Variants in ATRNL1 observed in about 807,000 individuals in gnomAD.
ATRNL1 encodes attractin like 1, also known as attractin-like protein 1.
ATRNL1 carries 95 observed loss-of-function variants against 182.7 expected under a neutral mutation model. That is an observed-to-expected ratio of 0.52 (90% CI 0.44 to 0.62). The LOEUF is 0.62. Among genes scored for constraint, ATRNL1 ranks in the 20% least tolerant of loss-of-function variants. The pLI is 0.00. For synonymous variants in ATRNL1, 576 were observed against 568.3 expected, an observed-to-expected ratio of 1.01 and a Z score of -0.19; for missense variants, 1,471 against 1,679.5, an observed-to-expected ratio of 0.88 and a Z score of 2.17.
At chr10:115,695,316 C>CTGGAATTCAATAATGTGAAAA (rs1946524179) in intron 26 of ATRNL1, among the ~76,000 whole-genome samples, 1 of 151,994 alleles carries the variant, frequency 6.6e-6, no homozygotes, top group Non-Finnish European at 1.5e-5. Flanking sequence ...TTAAACAACG[C>CTGGAATTCAATAATGTGAAAA]TGGAATTCAA....
intron 13 of ATRNL1, among the ~76,000 whole-genome samples, chr10:115,270,044 T>A (rs904429087): frequency 2.6e-5 from 4 of 151,768 alleles, no homozygotes; most frequent in Non-Finnish European, 4.4e-5. Flanking sequence ...TTAACATTAA[T>A]ATAACATGGT....
intron 13 of ATRNL1, among the ~76,000 whole-genome samples, chr10:115,280,089 T>C (rs1457939804): frequency 1.3e-5 from 2 of 152,226 alleles, no homozygotes; most frequent in Admixed American, 1.3e-4. Context: ...ACCTTTCTTT[T>C]GGTTATCCTA....
intron 26 of ATRNL1, among the ~76,000 whole-genome samples, chr10:115,554,312 C>T (rs1554996443): frequency 6.6e-6 from 1 of 151,508 alleles, no homozygotes; most frequent in African/African-American, 2.4e-5. Flanking sequence ...CTAGAAATTA[C>T]AGGTCTTCCG....
In ATRNL1 at chr10:115,627,165, C is replaced by G. The variant is rs566784689; in HGVS notation, c.3795+77629C>G. ...AACATTACAGCACCACAAAATAAAACCCTTTACCCACTAAGCAGTTGCTCC... is the reference window on the plus strand; with the variant it reads ...AACATTACAGCACCACAAAATAAAAGCCTTTACCCACTAAGCAGTTGCTCC... On this transcript the variant is annotated intron_variant, in intron 26 of 28. Coordinates refer to ENST00000355044, the MANE Select transcript of ATRNL1 (RefSeq NM_207303.4). Among the ~76,000 whole-genome samples, 2 of 152,188 alleles carry G rather than the reference C, an allele frequency of 1.3e-5. 1 individual carries two copies. The highest frequency in any genetic ancestry group is 4.2e-4 in the South Asian group (2 of 4,802).
chr10:115,944,306 G>A (rs1555124924), intron 28 of ATRNL1, among the ~76,000 whole-genome samples: 1 of 142,700 alleles, frequency 7.0e-6, no homozygotes, highest in South Asian at 2.3e-4. Flanking sequence ...AAAAAAAATA[G>A]TAACATTTAA....
At chr10:115,115,679 A>T (rs1353452282) in intron 1 of ATRNL1, among the ~76,000 whole-genome samples, 1 of 152,116 alleles carries the variant, frequency 6.6e-6, no homozygotes, top group African/African-American at 2.4e-5. Flanking sequence ...AGTGGATCTG[A>T]CTATTCCTTG....
rs532557025 is a variant in ATRNL1 at position 115,129,391 on chromosome 10, A to C, written c.685A>C (p.Ser229Arg). The change falls in exon 5 of 29, where the codon AGT (serine) becomes CGT (arginine). Residue 229 changes from serine to arginine, a missense_variant. Transcript: ENST00000355044. ...GTGTACAACTAGTGTCTCTGTTCCA[A>C]GTCAAGTATATTGTGAATGTGATAA... Reference protein sequence around the residue: ...GKCTTSVSVPSQVYCECDKYW... With the variant: ...GKCTTSVSVPRQVYCECDKYW... 4 of 1,613,792 alleles carry C rather than the reference A, an allele frequency of 2.5e-6. No homozygotes were observed. Among genetic ancestry groups the C allele is most frequent in the Non-Finnish European group, 3.4e-6 (4 of 1,179,812 alleles).
intron 26 of ATRNL1, among the ~76,000 whole-genome samples, chr10:115,614,453 C>G (rs919186876): frequency 6.6e-6 from 1 of 152,114 alleles, no homozygotes; most frequent in Non-Finnish European, 1.5e-5. Flanking sequence ...AACATATGTT[C>G]CCTCCTGGAG....
chr10:115,338,198 A>G (rs146871835), intron 19 of ATRNL1, among the ~76,000 whole-genome samples: 2 of 152,332 alleles, frequency 1.3e-5, no homozygotes, highest in East Asian at 3.9e-4. Flanking sequence ...GTTGCAACGT[A>G]GGAGCGCAGG....
intron 5 of ATRNL1, among the ~76,000 whole-genome samples, chr10:115,132,397 G>A (rs1329502364): frequency 6.6e-6 from 1 of 152,150 alleles, no homozygotes; most frequent in Non-Finnish European, 1.5e-5. Flanking sequence ...ACATATGTGT[G>A]CATGTGTCTT....
At chr10:115,403,455 CT>C (rs1168633951) in intron 20 of ATRNL1, among the ~76,000 whole-genome samples, 6 of 150,868 alleles carry the variant, frequency 4.0e-5, no homozygotes, top group Admixed American at 3.3e-4. Flanking sequence ...CTGACACTAA[CT>C]TTTTTTTTGT....
At chr10:115,517,951 A>G (rs1034009023) in intron 24 of ATRNL1, among the ~76,000 whole-genome samples, 3 of 151,862 alleles carry the variant, frequency 2.0e-5, no homozygotes, top group Non-Finnish European at 4.4e-5. Flanking sequence ...TCCTATGCCA[A>G]TTATCTTTCT....
At chr10:115,203,018 G>A (rs539812271) in intron 8 of ATRNL1, among the ~76,000 whole-genome samples, 53 of 152,106 alleles carry the variant, frequency 3.5e-4, no homozygotes, top group South Asian at 8.3e-4. Flanking sequence ...GTTTATTTGC[G>A]TAAAGGTGTT....
intron 19 of ATRNL1, among the ~76,000 whole-genome samples, chr10:115,379,829 T>G (rs2134227292): frequency 6.6e-6 from 1 of 152,322 alleles, no homozygotes; most frequent in East Asian, 1.9e-4. Flanking sequence ...GTAAACTTTA[T>G]ACCTTTTTTT....
chr10:115,493,515 C>G (rs1396002461), intron 24 of ATRNL1, among the ~76,000 whole-genome samples: 1 of 152,184 alleles, frequency 6.6e-6, no homozygotes, highest in Non-Finnish European at 1.5e-5. Flanking sequence ...CAGCCCACCA[C>G]TGATGACCAT....
rs190198655 is a variant in ATRNL1, at chr10:115,459,285, A to G, written c.3323-2656A>G. Among the ~76,000 whole-genome samples, 133 of 152,316 alleles carry G rather than the reference A, an allele frequency of 8.7e-4. 1 individual carries two copies. Among genetic ancestry groups the G allele is most frequent in the African/African-American group, 3.1e-3 (128 of 41,582 alleles). On this transcript the variant is annotated intron_variant, in intron 21 of 28. Transcript: ENST00000355044. ...TAACAGCAATTGTTCAGGGAATACG[A>G]GAGATAACCTTAAACTCTGACCGCT...
At chr10:115,779,285 A>G (rs1165919780) in intron 27 of ATRNL1, among the ~76,000 whole-genome samples, 3 of 152,224 alleles carry the variant, frequency 2.0e-5, no homozygotes, top group African/African-American at 4.8e-5. Context: ...TGGCTGGCCA[A>G]TTGATAATGC....
chr10:115,716,679 G>T (rs535204057), intron 26 of ATRNL1, among the ~76,000 whole-genome samples: 1 of 152,066 alleles, frequency 6.6e-6, no homozygotes, highest in African/African-American at 2.4e-5. Flanking sequence ...TGCAGCAAGA[G>T]CCTCAAGTCA....
intron 19 of ATRNL1, among the ~76,000 whole-genome samples, chr10:115,334,760 C>G: frequency 6.6e-6 from 1 of 152,022 alleles, no homozygotes. Flanking sequence ...GTTTTGACTT[C>G]AGAAATAATA....
Sources: gnomAD v4.1 joint callset for allele counts (sites outside exome capture counted in the v4.1 genomes callset) on GRCh38, gnomAD v4.1.1 for gene constraint, MANE v1.5 for transcripts, NCBI Gene and HGNC (gene_info 2026-07-23, HGNC 2026-07-21) for gene names.